SOX5: variants seen among roughly 807,000 people sequenced by gnomAD.
SOX5 encodes transcription factor SOX-5.
SOX5 carries 9 observed loss-of-function variants against 92.0 expected under a neutral mutation model. The ratio of observed to expected loss-of-function variants is 0.10; its 90% CI spans 0.06 to 0.17. The LOEUF (loss-of-function observed/expected upper bound fraction) is 0.17. Ranked by LOEUF, SOX5 falls within the 10% of genes least tolerant of loss-of-function variation. The pLI is 1.00. For missense variants in SOX5, 642 were observed against 944.5 expected (o/e 0.68, Z 4.20); for synonymous variants, 344 against 336.3 (o/e 1.02, Z -0.25).
intron 2 of SOX5, among the ~76,000 whole-genome samples, chr12:23,882,453 T>TGCGGTGAGCTGAGATCGCGC (rs2097004988): frequency 1.3e-5 from 2 of 152,226 alleles, no homozygotes; most frequent in Admixed American, 6.5e-5. Flanking sequence ...TTTAGGATGT[T>TGCGGTGAGCTGAGATCGCGC]CATGCAGGAA....
At chr12:24,501,361 T>C (rs1216830043) in intron 1 of SOX5, among the ~76,000 whole-genome samples, 2 of 144,484 alleles carry the variant, frequency 1.4e-5, no homozygotes, top group Non-Finnish European at 3.0e-5. Context: ...GTACTTCAAC[T>C]GGAAAGATCC....
intron 4 of SOX5, among the ~76,000 whole-genome samples, chr12:24,130,940 T>G (rs957947420): frequency 6.6e-6 from 1 of 152,208 alleles, no homozygotes; most frequent in Non-Finnish European, 1.5e-5. Flanking sequence ...CAGCCACAAG[T>G]GACTCACTGT....
chr12:23,908,458 A>G (rs1043501628), intron 1 of SOX5, among the ~76,000 whole-genome samples: 8 of 151,864 alleles, frequency 5.3e-5, no homozygotes, highest in African/African-American at 1.9e-4. Flanking sequence ...TAGGGGGCTC[A>G]CTCTTTCTTT....
intron 4 of SOX5, among the ~76,000 whole-genome samples, chr12:24,076,992 T>C (rs982624552): frequency 6.6e-6 from 1 of 152,152 alleles, no homozygotes; most frequent in Non-Finnish European, 1.5e-5. Context: ...CTTCAAGTCA[T>C]GGTAACAACT....
At position 23,530,849 on chromosome 12, in the gene SOX5, GAGAGAA is replaced by G. The variant is rs1194408431; in HGVS notation, c.*3364_*3369del. On this transcript the variant is annotated 3_prime_UTR_variant, in exon 15 of 15. Transcript: ENST00000451604. ...CGCGCGCGCGCGCATGTGAGAGAGA[GAGAGAA>G]AGGGAAAGAGATAAAGTGTGAACAG... 6.6e-6 allele frequency: 1 copy of G among 151,526 alleles called. No homozygotes were observed. The highest frequency in any genetic ancestry group is 2.4e-5 in the African/African-American group (1 of 41,240). 9.4% of individuals were successfully genotyped at this position (151,526 alleles called of 1,614,324 possible).
At chr12:24,432,167 G>A (rs774408814) in intron 1 of SOX5, among the ~76,000 whole-genome samples, 1 of 152,064 alleles carries the variant, frequency 6.6e-6, no homozygotes, top group African/African-American at 2.4e-5. Context: ...TTCTGTTGTG[G>A]GTTTTAGCAC....
At chr12:24,123,645 T>A (rs557049646) in intron 4 of SOX5, among the ~76,000 whole-genome samples, 1 of 152,320 alleles carries the variant, frequency 6.6e-6, no homozygotes, top group African/African-American at 2.4e-5. Flanking sequence ...AAAAGCAATA[T>A]AAATTACAAT....
At chr12:24,417,478 G>A (rs1354233022) in intron 1 of SOX5, among the ~76,000 whole-genome samples, 5 of 152,122 alleles carry the variant, frequency 3.3e-5, no homozygotes, top group Non-Finnish European at 7.4e-5. Flanking sequence ...ATGAAAGATG[G>A]ATAATTTTCA....
intron 4 of SOX5, among the ~76,000 whole-genome samples, chr12:24,184,107 A>T (rs1055115219): frequency 1.6e-4 from 25 of 152,300 alleles, no homozygotes; most frequent in African/African-American, 5.3e-4. Flanking sequence ...AACTTTTAAC[A>T]ATAAGATGAA....
intron 6 of SOX5, among the ~76,000 whole-genome samples, chr12:23,684,623 A>C (rs921297425): frequency 2.0e-5 from 3 of 152,112 alleles, no homozygotes; most frequent in Non-Finnish European, 4.4e-5. Context: ...AGGCCTATAG[A>C]AAAATGTACT....
intron 4 of SOX5, among the ~76,000 whole-genome samples, chr12:23,985,180 A>G (rs1037409771): frequency 6.6e-6 from 1 of 152,054 alleles, no homozygotes; most frequent in Non-Finnish European, 1.5e-5. Context: ...AAATGGTTAT[A>G]TATTCTAGAT....
intron 2 of SOX5, among the ~76,000 whole-genome samples, chr12:24,349,819 G>A (rs1213905719): frequency 2.6e-5 from 4 of 152,118 alleles, no homozygotes; most frequent in African/African-American, 9.7e-5. Context: ...TTGCTGGATT[G>A]TATGGTAAAT....
chr12:23,940,128 A>G (rs17478946), intron 1 of SOX5, among the ~76,000 whole-genome samples: 29,842 of 151,020 alleles, frequency 0.2, 3,772 homozygotes, highest in Non-Finnish European at 0.29. Context: ...ATATTTCCCC[A>G]TAGTGTCTTG....
At chr12:24,232,946 G>A (rs963086554) in intron 3 of SOX5, among the ~76,000 whole-genome samples, 7 of 152,200 alleles carry the variant, frequency 4.6e-5, no homozygotes, top group Admixed American at 4.6e-4. Flanking sequence ...GCCACCATGT[G>A]ATAAAAACAC....
chr12:23,979,942 T>TAGACAGACAGACAGACAGAC (rs1419855577), intron 4 of SOX5, among the ~76,000 whole-genome samples: 7 of 89,346 alleles, frequency 7.8e-5, no homozygotes, highest in East Asian at 2.8e-4. Context: ...GACAGATAGA[T>TAGACAGACAGACAGACAGAC]AGATAGATAG....
chr12:23,826,458 G>C (rs1258511556), intron 3 of SOX5, among the ~76,000 whole-genome samples: 1 of 152,114 alleles, frequency 6.6e-6, no homozygotes, highest in African/African-American at 2.4e-5. Flanking sequence ...CAATGAGAAG[G>C]TAAAACATGA....
intron 4 of SOX5, among the ~76,000 whole-genome samples, chr12:23,974,014 C>T (rs1480704916): frequency 6.6e-6 from 1 of 151,996 alleles, no homozygotes; most frequent in Non-Finnish European, 1.5e-5. Context: ...GGGACTGTTG[C>T]TGTATATGCT....
intron 3 of SOX5, among the ~76,000 whole-genome samples, chr12:24,267,529 C>T (rs1943172355): frequency 6.6e-6 from 1 of 152,124 alleles, no homozygotes; most frequent in Non-Finnish European, 1.5e-5. Context: ...TTTGCATTTA[C>T]AGAATATGAC....
chr12:23,818,515 G>A (rs1056960959), intron 3 of SOX5, among the ~76,000 whole-genome samples: 3 of 152,110 alleles, frequency 2.0e-5, no homozygotes, highest in African/African-American at 7.2e-5. Flanking sequence ...TGAATGTGAA[G>A]GGCTAGGACA....
Sources: allele counts gnomAD v4.1 joint callset (sites outside exome capture counted in the v4.1 genomes callset), GRCh38; gene constraint gnomAD v4.1.1; transcripts MANE v1.5; gene names NCBI Gene and HGNC (gene_info 2026-07-23, HGNC 2026-07-21).